Variants in CFAP74 observed in about 807,000 individuals in gnomAD.
CFAP74 encodes cilia- and flagella-associated protein 74.
A neutral mutation model predicts 188.9 loss-of-function variants in CFAP74; 124 were observed. The ratio of observed to expected loss-of-function variants is 0.66; its 90% confidence interval spans 0.57 to 0.76. The LOEUF is 0.76. CFAP74 is among the 30% of genes least tolerant of loss of function. The pLI, the probability that CFAP74 is intolerant of heterozygous loss-of-function variation, is 0.00. For synonymous variants in CFAP74, 956 were observed against 916.7 expected, an observed-to-expected ratio of 1.04 and a Z score of -0.77; for missense variants, 2,198 against 2,165.2, an observed-to-expected ratio of 1.02 and a Z score of -0.30.
intron 9 of CFAP74, 75 bp from the exon 10 acceptor site, chr1:1,970,891 GCA>G (rs1202229160): frequency 5.0e-5 from 78 of 1,559,356 alleles, no homozygotes; most frequent in African/African-American, 3.8e-4. Context: ...CTGCACATGT[GCA>G]CACACAGGTT....
Position 1,968,696 on chromosome 1 carries a change from G to A in CFAP74, c.1184C>T (p.Thr395Ile), listed in dbSNP as rs762158576. The A allele has an allele frequency of 5.0e-6, 8 of 1,614,010 alleles. No individual in the cohort carries two copies. The highest frequency in any genetic ancestry group is 3.3e-5 in the South Asian group (3 of 91,084). ...GCAAAAGTCAGAAATGTAGTTCCAG[G>A]TCTTGTCCCTCAGGGTCAGCCGGTG... Reference protein sequence around the residue: ...ARHRLTLRDKTWNYISDFCKK... With the variant: ...ARHRLTLRDKIWNYISDFCKK... Residue 395 changes from threonine (T) to isoleucine (I), a missense_variant, in exon 11 of 39, where the codon ACC becomes ATC. Thr to Ile is a moderately conservative substitution (Grantham distance 89). Transcript: ENST00000682832. The surrounding 1 kb of genome is among the most constrained non-coding windows in gnomAD (Gnocchi z 4.3).
At position 1,930,318 on chromosome 1, in the gene CFAP74, G is replaced by T. The variant is rs1164445728; in HGVS notation, c.3030C>A (p.Cys1010Ter). ...GGGGTGGGTGGACGCCTACAGCCCG[G>T]CAAGACAGCTTGAAGCACCTGCAAG... ...SEINRCFKLS[C>*]RAVGVHPPLE... is the part of the protein sequence containing the mutation. The change falls in exon 26 of 39, where the codon TGC becomes TGA. Residue 1010 changes from cysteine (C) to a stop codon, truncating the protein, a stop_gained. Transcript: ENST00000682832. LOFTEE classifies it high-confidence loss of function. 2 of 1,525,762 alleles carry T rather than the reference G, an allele frequency of 1.3e-6. No individual in the cohort carries two copies. The highest frequency in any genetic ancestry group is 1.8e-6 in the Non-Finnish European group (2 of 1,138,820). The allele number at this position is 1,525,762 out of a possible 1,614,324, so 94.5% of individuals were successfully genotyped here.
rs763191386 is a variant in CFAP74, at chr1:1,923,137, G to A, written c.4531C>T (p.Arg1511Trp). The change falls in exon 37 of 39, where the codon CGG becomes TGG. Residue 1511 changes from arginine (R) to tryptophan (W), a missense_variant. Transcript: ENST00000682832. This position sits in a 1 kb window ranked among gnomAD's most constrained non-coding sequence, Gnocchi z 6.3. ...GCTTCTGGAGAGAGAGGGCCTGGCCGGGAGCTGGCTGGAGGGGTGTGGCCA... is the reference window on the plus strand; with the variant it reads ...GCTTCTGGAGAGAGAGGGCCTGGCCAGGAGCTGGCTGGAGGGGTGTGGCCA... The part of the protein sequence containing the change: ...FDPRHREASS[R>W]PGPLSPEAEE... The A allele has an allele frequency of 5.1e-5, 82 of 1,607,958 alleles. No individual in the cohort carries two copies. Among genetic ancestry groups the A allele is most frequent in the Middle Eastern group, 1.7e-4 (1 of 6,038 alleles).
chr1:1,995,825 A>T (rs13302991), intron 1 of CFAP74, among the ~76,000 whole-genome samples: 4 of 148,146 alleles, frequency 2.7e-5, no homozygotes, highest in African/African-American at 9.8e-5. Context: ...GGAGAATGGC[A>T]TGAACCCGGG....
intron 11 of CFAP74, among the ~76,000 whole-genome samples, chr1:1,967,779 C>T (rs1429935129): frequency 6.6e-6 from 1 of 152,192 alleles, no homozygotes; most frequent in Non-Finnish European, 1.5e-5. Context: ...AGAGGACCAT[C>T]GTCCCTACCC....
intron 23 of CFAP74, 88 bp from the exon 24 acceptor site, chr1:1,939,855 G>T: frequency 7.7e-7 from 1 of 1,294,148 alleles, no homozygotes; most frequent in East Asian, 2.5e-5. Flanking sequence ...CACTGCTGCT[G>T]CCTTGTGGCC....
rs866485701 is a variant in CFAP74 at position 1,944,365 on chromosome 1, G to T, written c.2452C>A (p.Arg818=). The T allele has an allele frequency of 1.8e-5, 28 of 1,535,878 alleles. 1 individual carries two copies. In the East Asian group the frequency reaches 3.2e-4, roughly 17 times the overall value. The change falls in exon 21 of 39, where the codon CGG becomes AGG. Residue 818 remains arginine (R), a synonymous_variant. Coordinates refer to ENST00000682832, the MANE Select transcript of CFAP74 (RefSeq NM_001304360.2). ...SVDLKICMYD[R]LYQDSVLVHT... ...ACGAGCACAGAGTCCTGGTAGAGCC[G>T]GTCATACATGCAGATCTTCAGGTCC...
chr1:1,956,500 T>G (rs888877125), intron 17 of CFAP74, 120 bp downstream of exon 17: 13 of 1,227,370 alleles, frequency 1.1e-5, no homozygotes, highest in Non-Finnish European at 1.5e-5. Context: ...GCCCCCACAC[T>G]GCCCTCCTTC....
At chr1:1,960,174 G>T in intron 14 of CFAP74, 144 bp from the exon 15 acceptor site, 1 of 687,198 alleles carries the variant, frequency 1.5e-6, no homozygotes, top group Non-Finnish European at 2.5e-6. Context: ...CTTCACCCCG[G>T]GGAGTGCTGG....
chr1:1,973,931 G>A lies in CFAP74; in HGVS notation c.674+94C>T. 1.6e-6 allele frequency: 2 copies of A among 1,238,630 alleles called. No individual in the cohort carries two copies. The highest frequency in any genetic ancestry group is 1.7e-5 in the South Asian group (1 of 59,974). The allele number at this position is 1,238,630 out of a possible 1,614,324, so 76.7% of individuals were successfully genotyped here. ...GAGGTGGATCTGGACAGATGTGGAG[G>A]GCGAGGCTGAATCTGGAGACCCCTG... On this transcript the variant is annotated intron_variant, in intron 7 of 38. Transcript: ENST00000682832. This position sits in a 1 kb window ranked among gnomAD's most constrained non-coding sequence, Gnocchi z 6.2.
At chr1:2,003,447 T>C (rs574106045) in intron 1 of CFAP74, among the ~76,000 whole-genome samples, 5 of 152,206 alleles carry the variant, frequency 3.3e-5, no homozygotes, top group African/African-American at 1.2e-4. Flanking sequence ...TTGTTTAATG[T>C]TTTTGTAAAT....
intron 5 of CFAP74, among the ~76,000 whole-genome samples, chr1:1,985,748 A>G (rs1000607659): frequency 2.0e-5 from 3 of 152,198 alleles, no homozygotes; most frequent in African/African-American, 7.2e-5. Context: ...TGGCCCCTGC[A>G]TGAAGCCCCT....
At chr1:1,953,359 G>A (rs531304730) in intron 18 of CFAP74, 1 of 150,536 alleles carries the variant, frequency 6.6e-6, no homozygotes, top group Non-Finnish European at 1.5e-5. Context: ...GCAATGGCGC[G>A]ATCTCAGCTC....
At chr1:1,963,634 A>G in intron 14 of CFAP74, 115 bp downstream of exon 14, 2 of 645,224 alleles carry the variant, frequency 3.1e-6, no homozygotes, top group East Asian at 5.7e-5. Context: ...TGAAAATCGG[A>G]CCTGAGGGCT....
At chr1:1,966,134 G>C (rs1235805178) in intron 12 of CFAP74, among the ~76,000 whole-genome samples, 2 of 152,254 alleles carry the variant, frequency 1.3e-5, no homozygotes, top group Non-Finnish European at 2.9e-5. Context: ...GTCAGGGGGA[G>C]CTTGGGGTCG....
intron 14 of CFAP74, among the ~76,000 whole-genome samples, chr1:1,962,305 G>A (rs1655144482): frequency 2.0e-5 from 3 of 151,876 alleles, no homozygotes; most frequent in Non-Finnish European, 2.9e-5. Context: ...GTGAAACCCC[G>A]TCTCTACTAA....
chr1:1,987,003 T>A lies in CFAP74; in HGVS notation c.329A>T (p.Asp110Val). The change falls in exon 5 of 39, where the codon GAC (aspartate) becomes GTC (valine). Residue 110 changes from aspartate to valine, a missense_variant. Asp to Val is a radical substitution (Grantham distance 152). Coordinates refer to ENST00000682832, the MANE Select transcript of CFAP74 (RefSeq NM_001304360.2). The part of the protein sequence containing the change: ...GELRACRQRR[D>V]LIDKQQEAVA... ...AGCCTCCTGCTGCTTGTCGATCAGGTCCCGCCTCTGCCGACAGGCGCGCAG... is the reference window on the plus strand; with the variant it reads ...AGCCTCCTGCTGCTTGTCGATCAGGACCCGCCTCTGCCGACAGGCGCGCAG... 1 of 1,600,300 alleles carries A rather than the reference T, an allele frequency of 6.2e-7. No homozygotes were observed. Among genetic ancestry groups the A allele is most frequent in the Non-Finnish European group, 8.5e-7 (1 of 1,178,540 alleles).
At chr1:1,992,331 T>C (rs955812442) in intron 1 of CFAP74, among the ~76,000 whole-genome samples, 1 of 151,948 alleles carries the variant, frequency 6.6e-6, no homozygotes, top group African/African-American at 2.4e-5. Context: ...GCCCAGGTAA[T>C]TTTCAAATTA....
Position 1,988,910 on chromosome 1 carries a change from T to C in CFAP74, c.131A>G (p.Asp44Gly). 1 of 1,504,732 alleles carries C rather than the reference T, an allele frequency of 6.6e-7. No homozygotes were observed. Among genetic ancestry groups the C allele is most frequent in the Non-Finnish European group, 9.0e-7 (1 of 1,115,572 alleles). The allele number at this position is 1,504,732 out of a possible 1,614,324, so 93.2% of individuals were successfully genotyped here. ...TTACCTGCTGTGTCCCGGGTCCACG[T>C]CATCCTCAGCTTCCTGTAGAAGACA... ...IKCLLQEAEDDVDPGHSSSVK... is the reference protein window; with the variant it reads ...IKCLLQEAEDGVDPGHSSSVK... The change falls in exon 3 of 39, where the codon GAC becomes GGC. Residue 44 changes from aspartate to glycine, a missense_variant. By Grantham distance (94) the Asp-to-Gly change is moderately conservative. Coordinates refer to ENST00000682832, the MANE Select transcript of CFAP74 (RefSeq NM_001304360.2).
Sources: gnomAD v4.1 joint callset for allele counts (sites outside exome capture counted in the v4.1 genomes callset) on GRCh38, gnomAD v4.1.1 for gene constraint, Gnocchi (gnomAD v3.1) non-coding constraint, MANE v1.5 for transcripts, NCBI Gene and HGNC (gene_info 2026-07-23, HGNC 2026-07-21) for gene names.